The following GMDS variants were observed in gnomAD, a reference collection of about 807,000 sequenced individuals.
GMDS encodes the protein GDP-mannose 4,6 dehydratase.
Under a neutral mutation model 49.9 loss-of-function variants are expected in GMDS, and 20 were observed. The ratio of observed to expected loss-of-function variants is 0.40; its 90% CI spans 0.28 to 0.58. GMDS has a LOEUF of 0.58. Among genes scored for constraint, GMDS ranks in the 20% least tolerant of loss-of-function variants. The pLI is 0.42. For missense variants in GMDS, 362 were observed against 481.4 expected (o/e 0.75, Z 2.32); for synonymous variants, 177 against 178.6 (o/e 0.99, Z 0.07).
intron 9 of GMDS, among the ~76,000 whole-genome samples, chr6:1,687,084 ACT>A (rs200273015): frequency 0.013 from 2,037 of 152,244 alleles, 55 homozygotes; most frequent in African/African-American, 0.047. Context: ...CAAAATCACA[ACT>A]ATAATATTTT....
At chr6:1,683,118 C>T (rs72838843) in intron 9 of GMDS, among the ~76,000 whole-genome samples, 46,400 of 151,844 alleles carry the variant, frequency 0.31, 7,966 homozygotes, top group Middle Eastern at 0.46. Context: ...AGGGATGGCT[C>T]TAGGTTTCTT....
chr6:1,897,249 G>A (rs571497701), intron 7 of GMDS, among the ~76,000 whole-genome samples: 99 of 152,218 alleles, frequency 6.5e-4, no homozygotes, highest in Non-Finnish European at 1.1e-3. Context: ...ACGTACTCCT[G>A]GGGTCTCTTC....
At chr6:2,009,887 T>C (rs1024795715) in intron 4 of GMDS, among the ~76,000 whole-genome samples, 1 of 152,074 alleles carries the variant, frequency 6.6e-6, no homozygotes, top group Non-Finnish European at 1.5e-5. Flanking sequence ...AATGACCAGT[T>C]GGAAAAAGTG....
intron 9 of GMDS, among the ~76,000 whole-genome samples, chr6:1,639,527 G>A (rs1366671082): frequency 6.6e-6 from 1 of 152,196 alleles, no homozygotes; most frequent in African/African-American, 2.4e-5. Context: ...GAACTCTCTC[G>A]TTTGCTGAAT....
chr6:2,048,097 T>A lies in GMDS; in HGVS notation c.345+67674A>T, dbSNP rs184454249. Among the ~76,000 whole-genome samples, 8 of 152,312 alleles carry A rather than the reference T, an allele frequency of 5.3e-5. No homozygotes were observed. The East Asian group carries it at 1.5e-3, about 29-fold the overall frequency. Reference sequence around the variant, plus strand: ...TTATTCATGTGTACACATTCTCACGTGCTAACAGTCTCTGATGACCAAGAG... The same window carrying A: ...TTATTCATGTGTACACATTCTCACGAGCTAACAGTCTCTGATGACCAAGAG... On this transcript the variant is annotated intron_variant, in intron 4 of 10. Coordinates refer to ENST00000380815, the MANE Select transcript of GMDS (RefSeq NM_001500.4).
At chr6:1,642,046 T>C (rs1359612433) in intron 9 of GMDS, among the ~76,000 whole-genome samples, 2 of 152,036 alleles carry the variant, frequency 1.3e-5, no homozygotes, top group Non-Finnish European at 2.9e-5. Flanking sequence ...TCGCCCTGCG[T>C]AGCACTCTCC....
At chr6:1,624,921 G>A (rs1249518200) in intron 9 of GMDS, among the ~76,000 whole-genome samples, 1 of 150,880 alleles carries the variant, frequency 6.6e-6, no homozygotes, top group African/African-American at 2.4e-5. Context: ...CTCTGGCTAG[G>A]AGGGAAGTGA....
intron 1 of GMDS, among the ~76,000 whole-genome samples, chr6:2,158,246 T>C (rs1194907130): frequency 6.6e-6 from 1 of 152,128 alleles, no homozygotes; most frequent in Non-Finnish European, 1.5e-5. Context: ...TATATAATAG[T>C]TTAAAAACAA....
At chr6:2,194,932 T>C (rs1189883439) in intron 1 of GMDS, among the ~76,000 whole-genome samples, 1 of 152,256 alleles carries the variant, frequency 6.6e-6, no homozygotes, top group Admixed American at 6.5e-5. Context: ...GTTCCGTGAA[T>C]GCTGCTCTGT....
intron 7 of GMDS, among the ~76,000 whole-genome samples, chr6:1,916,781 A>G (rs1027516620): frequency 3.3e-5 from 5 of 152,212 alleles, no homozygotes; most frequent in African/African-American, 1.2e-4. Flanking sequence ...TTGTTTTCCC[A>G]GAGGCCCAGG....
intron 4 of GMDS, among the ~76,000 whole-genome samples, chr6:1,985,587 T>G (rs1765498319): frequency 6.6e-6 from 1 of 152,142 alleles, no homozygotes. Flanking sequence ...AGCATTTTTA[T>G]AAGCAGGCTA....
intron 8 of GMDS, among the ~76,000 whole-genome samples, chr6:1,730,457 G>T (rs1766747317): frequency 6.6e-6 from 1 of 152,170 alleles, no homozygotes; most frequent in African/African-American, 2.4e-5. Context: ...TGCTCAGGAA[G>T]TGAGACCTGA....
intron 1 of GMDS, among the ~76,000 whole-genome samples, chr6:2,163,572 T>C (rs889457060): frequency 1.3e-5 from 2 of 151,984 alleles, no homozygotes; most frequent in African/African-American, 4.8e-5. Flanking sequence ...AGCTGACAGG[T>C]TCAAGAACCA....
At chr6:1,713,359 G>T (rs1334483149) in intron 9 of GMDS, among the ~76,000 whole-genome samples, 1 of 152,220 alleles carries the variant, frequency 6.6e-6, no homozygotes, top group Non-Finnish European at 1.5e-5. Context: ...CACATGTGAC[G>T]ACTAGGCACA....
In GMDS at chr6:1,958,786, C is replaced by T. The variant is rs190923867; in HGVS notation, c.643+1081G>A. 6.8e-4 allele frequency among the ~76,000 whole-genome samples: 104 copies of T among 152,252 alleles called. 1 individual carries two copies. The highest frequency in any genetic ancestry group is 5.6e-4 in the Non-Finnish European group (38 of 68,010). ...AAACAACTTATAACATTGGACTTCA[C>T]GTTTATTCTCAGACTAAAAATCTAA... On this transcript the variant is annotated intron_variant, in intron 6 of 10. Transcript: ENST00000380815.
Position 1,949,031 on chromosome 6 carries a change from C to G in GMDS, c.643+10836G>C, listed in dbSNP as rs1348061563. 3.1e-6 allele frequency: 3 copies of G among 964,532 alleles called. No homozygotes were observed. In the African/African-American group the frequency reaches 5.3e-5, roughly 17 times the overall value. The allele number at this position is 964,532 out of a possible 1,614,324, so 59.7% of individuals were successfully genotyped here. On this transcript the variant is annotated intron_variant, in intron 6 of 10. Coordinates refer to ENST00000380815, the MANE Select transcript of GMDS (RefSeq NM_001500.4). ...CCAGTAGCCACAGCAATCCCACTAA[C>G]AGAGCTGCCTCCAACAGGGTCTTTC...
intron 4 of GMDS, among the ~76,000 whole-genome samples, chr6:2,080,035 A>G (rs1772585429): frequency 6.6e-6 from 1 of 152,018 alleles, no homozygotes; most frequent in African/African-American, 2.4e-5. Flanking sequence ...TGATTAGGTT[A>G]TTTTGAAAGA....
chr6:2,178,067 T>G (rs921308901), intron 1 of GMDS, among the ~76,000 whole-genome samples: 1 of 152,056 alleles, frequency 6.6e-6, no homozygotes, highest in Non-Finnish European at 1.5e-5. Context: ...TTTTCACATA[T>G]AAGTGGGAGA....
chr6:2,117,707 T>C, intron 2 of GMDS, 151 bp from the exon 3 acceptor site: 1 of 602,114 alleles, frequency 1.7e-6, no homozygotes. Flanking sequence ...CCCCAACCAC[T>C]GTCCACCAGC....
Sources: gnomAD v4.1 joint callset for allele counts (sites outside exome capture counted in the v4.1 genomes callset) on GRCh38, gnomAD v4.1.1 for gene constraint, MANE v1.5 for transcripts, NCBI Gene and HGNC (gene_info 2026-07-23, HGNC 2026-07-21) for gene names.